Variants in ERC2 observed in about 807,000 individuals in gnomAD.
ERC2 encodes the protein ELKS/RAB6-interacting/CAST family member 2, also known as ERC protein 2.
A neutral mutation model predicts 114.8 loss-of-function variants in ERC2; 42 were observed. The observed-to-expected ratio is 0.37, with a 90% confidence interval of 0.29 to 0.47. The LOEUF (loss-of-function observed/expected upper bound fraction) is 0.47. ERC2 is among the 20% of genes least tolerant of loss of function. The pLI, the probability that ERC2 is intolerant of heterozygous loss-of-function variation, is 0.99. For missense variants in ERC2, 939 were observed against 1,150.7 expected (o/e 0.82, Z 2.66); for synonymous variants, 454 against 425.5 (o/e 1.07, Z -0.82).
intron 15 of ERC2, among the ~76,000 whole-genome samples, chr3:55,720,315 C>T (rs994514293): frequency 1.6e-5 from 2 of 128,160 alleles, no homozygotes; most frequent in African/African-American, 5.9e-5. Flanking sequence ...GAGACAGGGT[C>T]TCACTCTGTT....
chr3:56,025,256 T>G (rs555229712), intron 7 of ERC2, among the ~76,000 whole-genome samples: 17 of 152,266 alleles, frequency 1.1e-4, no homozygotes, highest in Non-Finnish European at 2.2e-4. Flanking sequence ...ACACAAAGAT[T>G]TAAGTCAACC....
At chr3:56,077,788 A>T (rs1454499943) in intron 7 of ERC2, among the ~76,000 whole-genome samples, 2 of 152,182 alleles carry the variant, frequency 1.3e-5, no homozygotes, top group Non-Finnish European at 2.9e-5. Flanking sequence ...AAAGACAAAA[A>T]ACACTTTTAT....
At chr3:56,170,318 T>C (rs978704079) in intron 4 of ERC2, among the ~76,000 whole-genome samples, 2 of 152,188 alleles carry the variant, frequency 1.3e-5, no homozygotes, top group African/African-American at 4.8e-5. Flanking sequence ...CAGATGATAT[T>C]TCCCAAGGTT....
chr3:56,152,205 C>G (rs184352793), intron 4 of ERC2, among the ~76,000 whole-genome samples: 1 of 152,134 alleles, frequency 6.6e-6, no homozygotes, highest in Admixed American at 6.6e-5. Flanking sequence ...TGCGCATTAA[C>G]ATAAATGGCT....
At chr3:55,760,959 G>A (rs2067389195) in intron 14 of ERC2, among the ~76,000 whole-genome samples, 1 of 152,176 alleles carries the variant, frequency 6.6e-6, no homozygotes, top group African/African-American at 2.4e-5. Flanking sequence ...TCTGAAAAGA[G>A]TAGGTGGGCC....
intron 2 of ERC2, among the ~76,000 whole-genome samples, chr3:56,349,165 A>G (rs1380094016): frequency 6.6e-6 from 1 of 152,208 alleles, no homozygotes; most frequent in Non-Finnish European, 1.5e-5. Context: ...TTTACAGAAC[A>G]GTTTGTTCTG....
intron 6 of ERC2, among the ~76,000 whole-genome samples, chr3:56,123,215 G>A (rs2079679185): frequency 1.3e-5 from 2 of 152,060 alleles, no homozygotes; most frequent in South Asian, 4.1e-4. Flanking sequence ...AACCTCCAAG[G>A]TGATGGTATT....
intron 6 of ERC2, among the ~76,000 whole-genome samples, chr3:56,133,608 C>T (rs919846064): frequency 1.3e-5 from 2 of 152,124 alleles, no homozygotes; most frequent in Non-Finnish European, 2.9e-5. Flanking sequence ...TGACCTTGAG[C>T]AAGTTATACA....
At chr3:55,799,452 T>TATATATATGCCTTATATATATATGC (rs1559674670) in intron 14 of ERC2, among the ~76,000 whole-genome samples, 1 of 114,334 alleles carries the variant, frequency 8.7e-6, no homozygotes, top group African/African-American at 5.2e-5. Context: ...TATATATGCA[T>TATATATATGCCTTATATATATATGC]ATATATATAT....
At chr3:55,780,338 C>T (rs1246561653) in intron 14 of ERC2, among the ~76,000 whole-genome samples, 1 of 152,108 alleles carries the variant, frequency 6.6e-6, no homozygotes, top group Non-Finnish European at 1.5e-5. Context: ...TAAAAAACTA[C>T]TTGAACAAAA....
chr3:56,197,756 C>A (rs978267358), intron 3 of ERC2, among the ~76,000 whole-genome samples: 3 of 152,218 alleles, frequency 2.0e-5, no homozygotes, highest in Non-Finnish European at 2.9e-5. Flanking sequence ...TCACAATTCA[C>A]TATTTCCTCA....
intron 3 of ERC2, among the ~76,000 whole-genome samples, chr3:56,213,212 C>T (rs528709955): frequency 2.6e-5 from 4 of 152,228 alleles, no homozygotes; most frequent in South Asian, 4.1e-4. Context: ...CAAAGCAAGG[C>T]GAGGCATCAC....
intron 15 of ERC2, among the ~76,000 whole-genome samples, chr3:55,713,131 TCA>T (rs10656961): frequency 2.9e-4 from 41 of 139,338 alleles, no homozygotes; most frequent in Admixed American, 5.8e-4. Flanking sequence ...TCTCTCTGTC[TCA>T]CACACACACA....
At chr3:56,428,988 T>C (rs2061683449) in intron 2 of ERC2, among the ~76,000 whole-genome samples, 1 of 152,188 alleles carries the variant, frequency 6.6e-6, no homozygotes, top group Non-Finnish European at 1.5e-5. Flanking sequence ...GTCTAAAAAT[T>C]GCTTTATGTG....
chr3:56,170,483 T>C (rs895098853), intron 4 of ERC2, among the ~76,000 whole-genome samples: 1 of 151,994 alleles, frequency 6.6e-6, no homozygotes, highest in Non-Finnish European at 1.5e-5. Context: ...AAAGTGTGTA[T>C]ATGGGGACAA....
At chr3:56,087,179 T>TTGTGTGTGTGTGTGTG (rs59471652) in intron 6 of ERC2, among the ~76,000 whole-genome samples, 1 of 147,374 alleles carries the variant, frequency 6.8e-6, no homozygotes, top group African/African-American at 2.5e-5. Context: ...TTTGATCCAT[T>TTGTGTGTGTGTGTGTG]TGTGTGTGTG....
At chr3:55,889,645 A>G (rs1181995521) in intron 13 of ERC2, among the ~76,000 whole-genome samples, 1 of 152,124 alleles carries the variant, frequency 6.6e-6, no homozygotes, top group Non-Finnish European at 1.5e-5. Context: ...GTGAAATGCC[A>G]TCCCTTGCAC....
At chr3:55,945,171 T>C (rs2067047877) in intron 13 of ERC2, among the ~76,000 whole-genome samples, 2 of 152,230 alleles carry the variant, frequency 1.3e-5, no homozygotes, top group African/African-American at 4.8e-5. Context: ...TTCTCATCTT[T>C]TCCATATGTT....
intron 12 of ERC2, among the ~76,000 whole-genome samples, chr3:55,960,175 T>C (rs2149465246): frequency 6.6e-6 from 1 of 152,328 alleles, no homozygotes; most frequent in Middle Eastern, 3.4e-3. Flanking sequence ...TGTTTCAAAG[T>C]AAGTCAGATC....
Sources: allele counts gnomAD v4.1 joint callset (sites outside exome capture counted in the v4.1 genomes callset), GRCh38; gene constraint gnomAD v4.1.1; transcripts MANE v1.5; gene names NCBI Gene and HGNC (gene_info 2026-07-23, HGNC 2026-07-21).